Variants in HEATR4 observed in about 807,000 individuals in gnomAD.
HEATR4 encodes the protein HEAT repeat containing 4, also known as HEAT repeat-containing protein 4.
HEATR4 carries 95 observed loss-of-function variants against 108.8 expected under a neutral mutation model. The observed-to-expected ratio is 0.87, with a 90% CI of 0.74 to 1.04. The LOEUF (loss-of-function observed/expected upper bound fraction) is 1.04. Ranked by LOEUF, HEATR4 falls within the 50% of genes least tolerant of loss-of-function variation. The pLI is 0.00. For synonymous variants in HEATR4, 443 were observed against 459.4 expected, an observed-to-expected ratio of 0.96 and a Z score of 0.46; for missense variants, 1,152 against 1,253.8, an observed-to-expected ratio of 0.92 and a Z score of 1.23.
chr14:73,520,855 A>G lies in HEATR4; in HGVS notation c.1066T>C (p.Phe356Leu). Residue 356 changes from phenylalanine (F) to leucine (L), a missense_variant, in exon 4 of 18, where the codon TTT becomes CTT. Coordinates refer to ENST00000553558, the MANE Select transcript of HEATR4 (RefSeq NM_001220484.1). ...TDNTFEQEIY[F>L]DEVQIIHQIG... ...CACAGGGGCCCAGCTCTATTACCAAAGTAAATCTCCTGTTCAAAGGTGTTG... is the reference window on the plus strand; with the variant it reads ...CACAGGGGCCCAGCTCTATTACCAAGGTAAATCTCCTGTTCAAAGGTGTTG... The G allele has an allele frequency of 3.1e-6, 5 of 1,613,482 alleles. No homozygotes were observed. The highest frequency in any genetic ancestry group is 4.2e-6 in the Non-Finnish European group (5 of 1,179,690).
intron 10 of HEATR4, among the ~76,000 whole-genome samples, chr14:73,505,663 C>A (rs1010309172): frequency 6.6e-6 from 1 of 151,034 alleles, no homozygotes; most frequent in Non-Finnish European, 1.5e-5. Flanking sequence ...AAAGTGCTGG[C>A]ATTACAGGTG....
intron 17 of HEATR4, chr14:73,491,348 G>A: frequency 1.4e-6 from 2 of 1,437,776 alleles, no homozygotes; most frequent in African/African-American, 1.5e-5. Flanking sequence ...GGCCTCGCCC[G>A]CCGCGCGCTC....
the HEATR4 span, chr14:73,612,709 C>T: frequency 1.4e-6 from 2 of 1,394,370 alleles, no homozygotes; most frequent in Non-Finnish European, 9.3e-7. Context: ...GCGCGCTCTT[C>T]CGGGCCCACG....
chr14:73,565,685 C>T, the HEATR4 span, among the ~76,000 whole-genome samples: 3,159 of 151,796 alleles, frequency 0.021, 96 homozygotes, highest in South Asian at 0.094. Flanking sequence ...GCTCTTAAGG[C>T]GGCGTGTCTG....
At chr14:73,566,050 CAG>C in the HEATR4 span, among the ~76,000 whole-genome samples, 3 of 152,126 alleles carry the variant, frequency 2.0e-5, no homozygotes, top group Admixed American at 2.0e-4. Context: ...TAGTTAGATA[CAG>C]AGTGTTGACA....
chr14:73,501,879 G>C (rs919480111), intron 11 of HEATR4, among the ~76,000 whole-genome samples: 1 of 151,496 alleles, frequency 6.6e-6, no homozygotes, highest in Non-Finnish European at 1.5e-5. Context: ...TCAGCCTCCC[G>C]AATAGCTGGG....
At position 73,533,065 on chromosome 14, in the gene HEATR4, C is replaced by T. The variant is rs1888757745; in HGVS notation, c.-151-2821G>A. Reference sequence around the variant, plus strand: ...CTTTGAGCCCAGGAGTTTGAGGCTGCAGTGAGCTATGATGGCACTACTGCA... The same window carrying T: ...CTTTGAGCCCAGGAGTTTGAGGCTGTAGTGAGCTATGATGGCACTACTGCA... On this transcript the variant is annotated intron_variant, in intron 1 of 17. Transcript: ENST00000553558. 1.7e-5 allele frequency among the ~76,000 whole-genome samples: 2 copies of T among 115,518 alleles called. 1 individual carries two copies. Among genetic ancestry groups the T allele is most frequent in the Non-Finnish European group, 3.8e-5 (2 of 52,922 alleles). 75.8% of individuals were successfully genotyped at this position (115,518 alleles called of 152,430 possible).
the HEATR4 span, among the ~76,000 whole-genome samples, chr14:73,590,273 GA>G: frequency 6.6e-6 from 1 of 152,140 alleles, no homozygotes; most frequent in Non-Finnish European, 1.5e-5. Flanking sequence ...CTCCCCACTA[GA>G]TTAGCTAGAT....
intron 10 of HEATR4, 134 bp from the exon 11 acceptor site, chr14:73,503,147 G>A (rs1886585754): frequency 7.2e-6 from 5 of 697,130 alleles, no homozygotes; most frequent in Non-Finnish European, 9.9e-6. Flanking sequence ...TTTTCCCATC[G>A]CTTACTCTCC....
At chr14:73,578,241 T>TTG in the HEATR4 span, among the ~76,000 whole-genome samples, 409 of 151,214 alleles carry the variant, frequency 2.7e-3, 5 homozygotes, top group African/African-American at 9.5e-3. Context: ...CTTTTTTTTT[T>TTG]TTTTTTGAGA....
chr14:73,597,591 CTT>C, the HEATR4 span, among the ~76,000 whole-genome samples: 29 of 98,196 alleles, frequency 3.0e-4, no homozygotes, highest in South Asian at 1.8e-3. Flanking sequence ...TTTTTCTTTT[CTT>C]TTTTTTTTTT....
At chr14:73,554,484 A>C (rs1221039939) in intron 1 of HEATR4, among the ~76,000 whole-genome samples, 3 of 115,472 alleles carry the variant, frequency 2.6e-5, no homozygotes, top group African/African-American at 8.4e-5. Context: ...TAAGTTACCA[A>C]GGCAGCTTTT....
rs1885105334 is a variant in HEATR4 at position 73,478,595 on chromosome 14, A to T, written c.*11T>A. The T allele has an allele frequency of 6.4e-7, 1 of 1,569,908 alleles. No homozygotes were observed. The highest frequency in any genetic ancestry group is 1.7e-5 in the Admixed American group (1 of 59,040). On this transcript the variant is annotated 3_prime_UTR_variant, in exon 18 of 18. Transcript: ENST00000553558. ...TGCTTCCTGCATCTTGAAGTAAGACAAGTGTTCAGCTTAGAGATGAGCACC... is the reference window on the plus strand; with the variant it reads ...TGCTTCCTGCATCTTGAAGTAAGACTAGTGTTCAGCTTAGAGATGAGCACC...
the HEATR4 span, among the ~76,000 whole-genome samples, chr14:73,626,707 C>G: frequency 1.3e-5 from 2 of 150,414 alleles, no homozygotes; most frequent in African/African-American, 4.9e-5. Context: ...GATGTAGAAG[C>G]TGCAGCAAGT....
the HEATR4 span, among the ~76,000 whole-genome samples, chr14:73,600,106 T>A: frequency 6.6e-6 from 1 of 152,098 alleles, no homozygotes; most frequent in Non-Finnish European, 1.5e-5. Flanking sequence ...CATAATACAA[T>A]GGTGGGAGAA....
At chr14:73,586,021 C>CA in the HEATR4 span, among the ~76,000 whole-genome samples, 9,480 of 95,956 alleles carry the variant, frequency 0.099, 362 homozygotes, top group Middle Eastern at 0.17. Flanking sequence ...AAAAAAAAAC[C>CA]AAAAAAAAAA....
At chr14:73,547,306 G>A (rs1334145679) in intron 1 of HEATR4, among the ~76,000 whole-genome samples, 1 of 115,364 alleles carries the variant, frequency 8.7e-6, no homozygotes, top group East Asian at 7.0e-4. Context: ...ACTTGAAACC[G>A]GAAGGCGGAG....
At chr14:73,542,479 A>T (rs1889121502) in intron 1 of HEATR4, among the ~76,000 whole-genome samples, 1 of 93,120 alleles carries the variant, frequency 1.1e-5, no homozygotes, top group South Asian at 3.4e-4. Flanking sequence ...ATCTCGGCTT[A>T]CTGCAACCTC....
chr14:73,589,327 CCCTTT>C, the HEATR4 span, among the ~76,000 whole-genome samples: 5 of 150,254 alleles, frequency 3.3e-5, no homozygotes, highest in Non-Finnish European at 5.9e-5. Context: ...TTTTCTTTTT[CCCTTT>C]CCTTTTTTTG....
Sources: gnomAD v4.1 joint callset for allele counts (sites outside exome capture counted in the v4.1 genomes callset) on GRCh38, gnomAD v4.1.1 for gene constraint, MANE v1.5 for transcripts, NCBI Gene and HGNC (gene_info 2026-07-23, HGNC 2026-07-21) for gene names.